The following NRXN3 variants were observed in gnomAD, a reference collection of about 807,000 sequenced individuals.
NRXN3 encodes the protein neurexin III.
NRXN3 carries 32 observed loss-of-function variants against 137.6 expected under a neutral mutation model. That is an observed-to-expected ratio of 0.23 (90% CI 0.18 to 0.31). The LOEUF (loss-of-function observed/expected upper bound fraction) is 0.31, where lower values mean the gene tolerates loss of function less well. Ranked by LOEUF, NRXN3 falls within the 10% of genes least tolerant of loss-of-function variation. The pLI is 1.00. For synonymous variants in NRXN3, 798 were observed against 784.5 expected, an observed-to-expected ratio of 1.02 and a Z score of -0.29; for missense variants, 1,574 against 2,062.5, an observed-to-expected ratio of 0.76 and a Z score of 4.59.
intron 4 of NRXN3, among the ~76,000 whole-genome samples, chr14:78,584,849 T>C (rs1414762254): frequency 1.3e-5 from 2 of 152,232 alleles, no homozygotes; most frequent in African/African-American, 4.8e-5. Flanking sequence ...TCTGTACCTC[T>C]GCATTTTCAA....
At chr14:78,496,012 T>C (rs1389974263) in intron 4 of NRXN3, among the ~76,000 whole-genome samples, 1 of 152,216 alleles carries the variant, frequency 6.6e-6, no homozygotes, top group Admixed American at 6.5e-5. Flanking sequence ...GCACATTGAT[T>C]ATAGGAGTTG....
At chr14:78,757,206 G>C (rs1340624509) in intron 8 of NRXN3, among the ~76,000 whole-genome samples, 1 of 152,076 alleles carries the variant, frequency 6.6e-6, no homozygotes, top group African/African-American at 2.4e-5. Context: ...TCAGGAACTA[G>C]AGACCAGCCT....
chr14:79,184,912 TTGGTCCTATAGGCTC>T (rs1173358283), intron 15 of NRXN3, among the ~76,000 whole-genome samples: 3 of 152,216 alleles, frequency 2.0e-5, no homozygotes, highest in African/African-American at 7.2e-5. Context: ...AATACTTTGC[TTGGTCCTATAGGCTC>T]TCAGGTTTTT....
intron 16 of NRXN3, among the ~76,000 whole-genome samples, chr14:79,505,886 A>G (rs2096873511): frequency 6.6e-6 from 1 of 152,186 alleles, no homozygotes; most frequent in Non-Finnish European, 1.5e-5. Context: ...TCAGGAGTCT[A>G]GGCACAGTGT....
At chr14:79,707,902 T>C (rs1404927602) in intron 19 of NRXN3, among the ~76,000 whole-genome samples, 4 of 152,176 alleles carry the variant, frequency 2.6e-5, no homozygotes, top group South Asian at 2.1e-4. Flanking sequence ...CGATGCTCTG[T>C]AATTATTGCT....
rs950652341 is a variant in NRXN3 at position 78,403,697 on chromosome 14, C to A, written c.757+105837C>A. ...GAGGGCGGTGTTAGGAAGGCAGCTT[C>A]CTGCACACTGTTGTAGGTGTTAGTG... On this transcript the variant is annotated intron_variant, in intron 4 of 20. Transcript: ENST00000335750. The A allele has an allele frequency of 5.1e-6, 5 of 985,162 alleles. No homozygotes were observed. In the African/African-American group the frequency reaches 8.7e-5, roughly 17 times the overall value. 61.0% of individuals were successfully genotyped at this position (985,162 alleles called of 1,614,324 possible). A position where few individuals can be genotyped will look rare whatever the true frequency, so the allele number is the denominator to read the frequency against.
chr14:78,711,731 G>A (rs574823539), intron 7 of NRXN3, among the ~76,000 whole-genome samples: 20 of 152,176 alleles, frequency 1.3e-4, no homozygotes, highest in African/African-American at 3.9e-4. Flanking sequence ...GTAAGCCACT[G>A]TGCCAGGCCT....
At chr14:78,257,220 C>T (rs539721599) in intron 2 of NRXN3, among the ~76,000 whole-genome samples, 1 of 152,340 alleles carries the variant, frequency 6.6e-6, no homozygotes, top group East Asian at 1.9e-4. Flanking sequence ...GAACTATCTC[C>T]AAGCTTTTGC....
intron 14 of NRXN3, among the ~76,000 whole-genome samples, chr14:78,982,398 G>C (rs1416566897): frequency 6.6e-6 from 1 of 152,146 alleles, no homozygotes; most frequent in Non-Finnish European, 1.5e-5. Flanking sequence ...GGTCCAGTAG[G>C]ATTTGAAAGA....
intron 16 of NRXN3, among the ~76,000 whole-genome samples, chr14:79,628,580 G>C (rs1051309798): frequency 2.0e-5 from 3 of 152,136 alleles, no homozygotes; most frequent in Admixed American, 1.3e-4. Flanking sequence ...AGGTGGAGGA[G>C]AATTATGTTC....
At chr14:79,039,575 AG>A (rs1254483631) in intron 15 of NRXN3, among the ~76,000 whole-genome samples, 4 of 152,174 alleles carry the variant, frequency 2.6e-5, no homozygotes, top group Admixed American at 6.5e-5. Context: ...AGAGATAAAA[AG>A]TTGTCCGTCT....
At chr14:79,124,491 C>A (rs1291991007) in intron 15 of NRXN3, among the ~76,000 whole-genome samples, 1 of 152,102 alleles carries the variant, frequency 6.6e-6, no homozygotes, top group African/African-American at 2.4e-5. Flanking sequence ...GCTTGCATGC[C>A]AGTGAGATCT....
intron 10 of NRXN3, among the ~76,000 whole-genome samples, chr14:78,933,956 C>A (rs969515277): frequency 6.6e-6 from 1 of 151,886 alleles, no homozygotes; most frequent in Non-Finnish European, 1.5e-5. Flanking sequence ...CTGGTACCCA[C>A]CCATCTTCAG....
intron 16 of NRXN3, among the ~76,000 whole-genome samples, chr14:79,638,504 T>C (rs2098417102): frequency 6.6e-6 from 1 of 152,232 alleles, no homozygotes; most frequent in Admixed American, 6.5e-5. Context: ...AGGTTCTTTC[T>C]GTTTGATAAC....
chr14:79,017,637 G>A (rs116332164), intron 15 of NRXN3, among the ~76,000 whole-genome samples: 1,581 of 152,184 alleles, frequency 0.01, 19 homozygotes, highest in African/African-American at 0.036. Context: ...AACCGTAGTC[G>A]GGTCAGCTTG....
At chr14:78,422,051 A>G (rs1816884332) in intron 4 of NRXN3, among the ~76,000 whole-genome samples, 1 of 152,134 alleles carries the variant, frequency 6.6e-6, no homozygotes, top group South Asian at 2.1e-4. Flanking sequence ...TCTGGGGTAA[A>G]CAAGTGGCCA....
chr14:78,868,247 G>A (rs1213769762), intron 10 of NRXN3, among the ~76,000 whole-genome samples: 12 of 151,886 alleles, frequency 7.9e-5, no homozygotes, highest in Admixed American at 7.9e-4. Flanking sequence ...TTGCATAGTA[G>A]CATCTGACAC....
intron 15 of NRXN3, among the ~76,000 whole-genome samples, chr14:79,207,145 G>A (rs1195277544): frequency 6.6e-6 from 1 of 152,150 alleles, no homozygotes; most frequent in Non-Finnish European, 1.5e-5. Context: ...GAAATCTTCT[G>A]CAAGTCCCCT....
At chr14:79,132,150 A>C (rs529012784) in intron 15 of NRXN3, among the ~76,000 whole-genome samples, 64 of 152,346 alleles carry the variant, frequency 4.2e-4, no homozygotes, top group Admixed American at 2.0e-3. Flanking sequence ...TGCGTTGCTC[A>C]CGCTGGGAGC....
Sources: allele counts gnomAD v4.1 joint callset (sites outside exome capture counted in the v4.1 genomes callset), GRCh38; gene constraint gnomAD v4.1.1; transcripts MANE v1.5; gene names NCBI Gene and HGNC (gene_info 2026-07-23, HGNC 2026-07-21).